CWH43: variants seen among roughly 807,000 people sequenced by gnomAD.
The protein encoded by CWH43 is PGAP2-interacting protein.
A neutral mutation model predicts 85.7 loss-of-function variants in CWH43; 91 were observed. The observed-to-expected ratio is 1.06, with a 90% CI of 0.90 to 1.26. The LOEUF (loss-of-function observed/expected upper bound fraction) is 1.26. Ranked by LOEUF, CWH43 falls within the 50% of genes most tolerant of loss-of-function variation. The probability of loss-of-function intolerance (pLI) is 0.00; values close to 1 mark genes in which losing one functional copy is unlikely to be tolerated. For missense variants in CWH43, 869 were observed against 839.2 expected (o/e 1.04, Z -0.44); for synonymous variants, 323 against 293.6 (o/e 1.10, Z -1.02).
At chr4:49,004,045 T>G in intron 7 of CWH43, 53 bp downstream of exon 7, 1 of 1,507,720 alleles carries the variant, frequency 6.6e-7, no homozygotes, top group South Asian at 1.3e-5. Flanking sequence ...AATATCCTTA[T>G]GGACTGACCA....
chr4:49,047,401 G>A (rs1045272631), intron 14 of CWH43, among the ~76,000 whole-genome samples: 2 of 152,120 alleles, frequency 1.3e-5, no homozygotes, highest in Non-Finnish European at 2.9e-5. Context: ...ATAAATAATT[G>A]CAGGATGATC....
chr4:49,020,730 A>AT (rs1037793750), intron 9 of CWH43, among the ~76,000 whole-genome samples: 55 of 152,022 alleles, frequency 3.6e-4, no homozygotes, highest in African/African-American at 1.3e-3. Flanking sequence ...TTAGTTTTTG[A>AT]TTTTTTGATT....
At chr4:49,041,586 A>C (rs1784464558) in intron 13 of CWH43, among the ~76,000 whole-genome samples, 1 of 152,132 alleles carries the variant, frequency 6.6e-6, no homozygotes, top group South Asian at 2.1e-4. Context: ...GTTTTTGTAC[A>C]TTGATTTTGT....
At chr4:49,050,123 A>G (rs1314585946) in intron 14 of CWH43, among the ~76,000 whole-genome samples, 1 of 152,192 alleles carries the variant, frequency 6.6e-6, no homozygotes, top group Non-Finnish European at 1.5e-5. Flanking sequence ...ATAAAATAAA[A>G]TGAATTCTTT....
chr4:49,001,128 A>G (rs1250250524), intron 6 of CWH43, among the ~76,000 whole-genome samples: 1 of 152,214 alleles, frequency 6.6e-6, no homozygotes, highest in Non-Finnish European at 1.5e-5. Flanking sequence ...CAGTGACTGA[A>G]CAATTTCATA....
intron 4 of CWH43, among the ~76,000 whole-genome samples, chr4:48,993,715 T>C (rs1448228320): frequency 1.3e-5 from 2 of 152,178 alleles, no homozygotes; most frequent in Admixed American, 6.6e-5. Flanking sequence ...TTATCTTTAC[T>C]AGCTGTGTGA....
chr4:49,058,278 A>C (rs952092379), intron 15 of CWH43, among the ~76,000 whole-genome samples: 3 of 151,998 alleles, frequency 2.0e-5, no homozygotes, highest in African/African-American at 7.2e-5. Context: ...TTATTTGTAG[A>C]TACTATGAGT....
Position 48,994,390 on chromosome 4 carries a change from C to G in CWH43, c.512-229C>G, listed in dbSNP as rs116186709. ...TTTTCACCTGTTGAATTCCAAAATG[C>G]CTTTTCTCCCTTAAACCATTCCTTA... On this transcript the variant is annotated intron_variant, in intron 4 of 15. Coordinates refer to ENST00000226432, the MANE Select transcript of CWH43 (RefSeq NM_025087.3). Among the ~76,000 whole-genome samples, 600 of 152,320 alleles carry G rather than the reference C, an allele frequency of 3.9e-3. 9 individuals are homozygous for G. The highest frequency in any genetic ancestry group is 0.014 in the African/African-American group (579 of 41,582).
At chr4:49,028,592 A>G in intron 9 of CWH43, 37 bp from the exon 10 acceptor site, 2 of 1,482,968 alleles carry the variant, frequency 1.3e-6, no homozygotes, top group South Asian at 2.4e-5. Context: ...GCCATTGTTC[A>G]CAGTCATCCT....
In CWH43 at chr4:49,000,965, C is replaced by T. The variant is rs145470150; in HGVS notation, c.802+2417C>T. On this transcript the variant is annotated intron_variant, in intron 6 of 15. Coordinates refer to ENST00000226432, the MANE Select transcript of CWH43 (RefSeq NM_025087.3). ...CACCTGCAATAAGTTGGAGCTCAAG[C>T]TTAATTATCTGGAGGTGGTGCCCAC... Among the ~76,000 whole-genome samples, 306 of 152,294 alleles carry T rather than the reference C, an allele frequency of 2.0e-3. 2 individuals carry two copies. The highest frequency in any genetic ancestry group is 6.8e-3 in the African/African-American group (284 of 41,578).
chr4:48,987,311 C>T (rs193155717), intron 1 of CWH43, among the ~76,000 whole-genome samples: 1 of 152,126 alleles, frequency 6.6e-6, no homozygotes, highest in African/African-American at 2.4e-5. Context: ...GCTAGGTACT[C>T]AGTGCACTTG....
At chr4:48,994,510 A>G in intron 4 of CWH43, 109 bp from the exon 5 acceptor site, 2 of 867,310 alleles carry the variant, frequency 2.3e-6, no homozygotes, top group Non-Finnish European at 1.9e-6. Flanking sequence ...TTCCGAAGTA[A>G]GCTTCTTGAA....
chr4:49,054,691 T>G (rs1193051747), intron 15 of CWH43, among the ~76,000 whole-genome samples: 1 of 152,122 alleles, frequency 6.6e-6, no homozygotes, highest in East Asian at 1.9e-4. Context: ...TCATCATTAT[T>G]TTGTGGTTTT....
intron 9 of CWH43, among the ~76,000 whole-genome samples, chr4:49,020,902 GA>G (rs922676287): frequency 6.6e-6 from 1 of 151,522 alleles, no homozygotes; most frequent in African/African-American, 2.4e-5. Flanking sequence ...TTTTTGATGG[GA>G]TTTTTTTTTT....
chr4:49,045,791 T>C (rs1405467688), intron 14 of CWH43, among the ~76,000 whole-genome samples: 1 of 152,150 alleles, frequency 6.6e-6, no homozygotes, highest in Non-Finnish European at 1.5e-5. Context: ...TACAATGTGG[T>C]ATTCCAATAC....
At position 49,061,851 on chromosome 4, in the gene CWH43, C is replaced by A. The variant is rs778166290; in HGVS notation, c.2061C>A (p.Asn687Lys). The A allele has an allele frequency of 3.0e-5, 42 of 1,393,674 alleles. No homozygotes were observed. The Middle Eastern group carries it at 7.6e-4, about 25-fold the overall frequency. 86.3% of individuals were successfully genotyped at this position (1,393,674 alleles called of 1,614,324 possible). The change falls in exon 16 of 16, where the codon AAC (asparagine) becomes AAA (lysine). Residue 687 changes from asparagine (N) to lysine (K), a missense_variant. Asn to Lys is a moderately conservative substitution (Grantham distance 94, BLOSUM62 0). Around this residue, in one of 3 missense-constraint regions of CWH43, gnomAD observed 577 missense variants for 513.1 expected, o/e 1.12. Transcript: ENST00000226432. ...AAGAAGGACACAATTATGAAAACAA[C>A]CATCATTTTCATATGAATACTCCCA... ...SYKEGHNYEN[N>K]HHFHMNTPKY... is the part of the protein sequence containing the mutation.
chr4:49,003,967 T>C lies in CWH43; in HGVS notation c.1035T>C (p.Ala345=), dbSNP rs1355400195. Residue 345 remains alanine, a synonymous_variant, in exon 7 of 16, where the codon GCT becomes GCC. Coordinates refer to ENST00000226432, the MANE Select transcript of CWH43 (RefSeq NM_025087.3). ...AGTTTGTCCCAGGAGGTGTCTACGC[T>C]AGAGAAAGATCAGATGTGCTTTTGG... ...AFKFVPGGVY[A]RERSDVLLGT... The C allele has an allele frequency of 3.7e-6, 6 of 1,612,474 alleles. No individual in the cohort carries two copies. The highest frequency in any genetic ancestry group is 5.1e-6 in the Non-Finnish European group (6 of 1,179,706).
At chr4:49,034,419 A>G (rs1264428792) in intron 12 of CWH43, among the ~76,000 whole-genome samples, 1 of 152,184 alleles carries the variant, frequency 6.6e-6, no homozygotes, top group East Asian at 1.9e-4. Flanking sequence ...AAATGTAAAG[A>G]ATAGGTTTGA....
intron 9 of CWH43, among the ~76,000 whole-genome samples, chr4:49,020,765 T>C (rs1783727733): frequency 6.6e-6 from 1 of 152,176 alleles, no homozygotes; most frequent in Non-Finnish European, 1.5e-5. Flanking sequence ...AGGAGTAAGG[T>C]AGTATCACAT....
Sources: gnomAD v4.1 joint callset for allele counts (sites outside exome capture counted in the v4.1 genomes callset) on GRCh38, gnomAD v4.1.1 for gene constraint, gnomAD v4.1.1 regional missense constraint, MANE v1.5 for transcripts, NCBI Gene and HGNC (gene_info 2026-07-23, HGNC 2026-07-21) for gene names.